The following GBX1 variants were observed in gnomAD, a reference collection of about 807,000 sequenced individuals.
GBX1 encodes homeobox protein GBX-1.
In GBX1, 9 loss-of-function variants were observed where a neutral mutation model predicts 22.9. The ratio of observed to expected loss-of-function variants is 0.39; its 90% CI spans 0.24 to 0.69. GBX1 has a LOEUF of 0.69. GBX1 is among the 30% of genes least tolerant of loss of function. GBX1 has a pLI of 0.43. For synonymous variants in GBX1, 203 were observed against 227.3 expected, an observed-to-expected ratio of 0.89 and a Z score of 0.96; for missense variants, 494 against 509.2, an observed-to-expected ratio of 0.97 and a Z score of 0.29.
intron 1 of GBX1, among the ~76,000 whole-genome samples, chr7:151,160,223 AAT>A (rs1801175839): frequency 6.6e-6 from 1 of 152,198 alleles, no homozygotes; most frequent in Non-Finnish European, 1.5e-5. Context: ...TGCTTAGGCT[AAT>A]CAGTTTATGT....
intron 1 of GBX1, among the ~76,000 whole-genome samples, chr7:151,158,439 A>T (rs2150549528): frequency 6.6e-6 from 1 of 152,018 alleles, no homozygotes; most frequent in Non-Finnish European, 1.5e-5. Flanking sequence ...AAGAAACAAG[A>T]AGAGTTTTTT....
intron 1 of GBX1, among the ~76,000 whole-genome samples, chr7:151,159,963 A>G (rs1320125465): frequency 6.6e-6 from 1 of 152,176 alleles, no homozygotes; most frequent in Non-Finnish European, 1.5e-5. Flanking sequence ...CGTAAAGACC[A>G]GCCCTGATCT....
intron 1 of GBX1, among the ~76,000 whole-genome samples, chr7:151,166,658 C>T (rs1465319861): frequency 2.0e-5 from 3 of 152,054 alleles, no homozygotes; most frequent in Admixed American, 6.5e-5. Context: ...AAATCCCATC[C>T]TTGTAGCTTG....
At chr7:151,149,194 A>C in intron 1 of GBX1, 52 bp from the exon 2 acceptor site, 1 of 1,527,276 alleles carries the variant, frequency 6.5e-7, no homozygotes, top group African/African-American at 1.4e-5. Context: ...AGAAAAAGAG[A>C]GTTTGGAGGA....
intron 1 of GBX1, among the ~76,000 whole-genome samples, chr7:151,164,011 G>C (rs62489631): frequency 0.041 from 6,213 of 152,088 alleles, 171 homozygotes; most frequent in East Asian, 0.1. Context: ...AGTTCTAGTA[G>C]AGAATGGTAC....
chr7:151,167,239 C>A lies in GBX1; in HGVS notation c.310G>T (p.Ala104Ser). The A allele has an allele frequency of 6.4e-7, 1 of 1,551,592 alleles. No homozygotes were observed. The highest frequency in any genetic ancestry group is 8.7e-7 in the Non-Finnish European group (1 of 1,150,830). The change falls in exon 1 of 2, where the codon GCG (alanine) becomes TCG (serine). Residue 104 changes from alanine to serine, a missense_variant. Coordinates refer to ENST00000297537, the MANE Select transcript of GBX1 (RefSeq NM_001098834.3). The surrounding 1 kb of genome is among the most constrained non-coding windows in gnomAD (Gnocchi z 5.9). ...AVPSMVALTT[A>S]LPSFAEPPDA... ...GGCGGCTCCGCGAAGCTGGGCAGCG[C>A]GGTGGTCAGCGCCACCATCGAGGGC...
chr7:151,167,266 C>A lies in GBX1; in HGVS notation c.283G>T (p.Val95Leu). Residue 95 changes from valine to leucine, a missense_variant, in exon 1 of 2, where the codon GTG (valine) becomes TTG (leucine). Val to Leu is a conservative substitution (Grantham distance 32). Coordinates refer to ENST00000297537, the MANE Select transcript of GBX1 (RefSeq NM_001098834.3). This position sits in a 1 kb window ranked among gnomAD's most constrained non-coding sequence, Gnocchi z 5.9. Reference sequence around the variant, plus strand: ...GTGGTCAGCGCCACCATCGAGGGCACAGCCTGACCCAGCCCCGCGCAGAAG... The same window carrying A: ...GTGGTCAGCGCCACCATCGAGGGCAAAGCCTGACCCAGCCCCGCGCAGAAG... ...NTFCAGLGQA[V>L]PSMVALTTAL... 1.2e-5 allele frequency: 18 copies of A among 1,545,268 alleles called. No homozygotes were observed. Among genetic ancestry groups the A allele is most frequent in the Non-Finnish European group, 1.6e-5 (18 of 1,148,304 alleles).
At chr7:151,154,836 G>GA (rs1801116870) in intron 1 of GBX1, among the ~76,000 whole-genome samples, 1 of 152,208 alleles carries the variant, frequency 6.6e-6, no homozygotes, top group South Asian at 2.1e-4. Context: ...GGCTAGGGAA[G>GA]AAATCAAGGG....
rs551527003 is a variant in GBX1 at position 151,166,982 on chromosome 7, C to T, written c.538+29G>A. 17 of 1,598,582 alleles carry T rather than the reference C, an allele frequency of 1.1e-5. No homozygotes were observed. In the Admixed American group the frequency reaches 2.7e-4, roughly 26 times the overall value. On this transcript the variant is annotated intron_variant, in intron 1 of 1. Transcript: ENST00000297537. ...GGAATTTCCAGGTGAACCGGCCTCC[C>T]GCCAGCCCTGGTCGGCCCTAGCACT...
intron 1 of GBX1, among the ~76,000 whole-genome samples, chr7:151,156,054 A>G (rs1801129642): frequency 6.6e-6 from 1 of 152,124 alleles, no homozygotes; most frequent in African/African-American, 2.4e-5. Context: ...ATGTCTCATT[A>G]GATAAATAAC....
At chr7:151,156,368 A>G (rs1801133639) in intron 1 of GBX1, among the ~76,000 whole-genome samples, 1 of 130,856 alleles carries the variant, frequency 7.6e-6, no homozygotes, top group African/African-American at 2.8e-5. Flanking sequence ...TTTGGGCGAC[A>G]GAGTGAGACC....
intron 1 of GBX1, among the ~76,000 whole-genome samples, chr7:151,156,759 C>T (rs1403211093): frequency 6.6e-6 from 1 of 151,524 alleles, no homozygotes; most frequent in African/African-American, 2.4e-5. Context: ...CTGAGGCAGG[C>T]GGATCACTTG....
chr7:151,153,748 T>A (rs1430622), intron 1 of GBX1, among the ~76,000 whole-genome samples: 67,881 of 151,462 alleles, frequency 0.45, 16,796 homozygotes, highest in African/African-American at 0.67. Context: ...TTTTTTGCAG[T>A]GTTGGGGTCC....
In GBX1 at chr7:151,167,636, G is replaced by T; in HGVS notation, c.-88C>A. ...CTCGGGCGCCCCGCGCGGACACGCA[G>T]GGCTCGCTCCCTGGCTCCCGGGCCG... On this transcript the variant is annotated 5_prime_UTR_variant, in exon 1 of 2. The change creates a new upstream start codon in the 5' untranslated region. Coordinates refer to ENST00000297537, the MANE Select transcript of GBX1 (RefSeq NM_001098834.3). The surrounding 1 kb of genome is among the most constrained non-coding windows in gnomAD (Gnocchi z 5.9). The T allele has an allele frequency of 8.5e-7, 1 of 1,182,754 alleles. No individual in the cohort carries two copies. Among genetic ancestry groups the T allele is most frequent in the Non-Finnish European group, 1.0e-6 (1 of 958,974 alleles). The allele number at this position is 1,182,754 out of a possible 1,614,324, so 73.3% of individuals were successfully genotyped here. A position where few individuals can be genotyped will look rare whatever the true frequency, so the allele number is the denominator to read the frequency against.
chr7:151,167,156 A>AGTGGCG lies in GBX1; in HGVS notation c.387_392dup (p.Thr131_Ala132dup). On this transcript the variant is annotated inframe_insertion, in exon 1 of 2. Transcript: ENST00000297537. This position sits in a 1 kb window ranked among gnomAD's most constrained non-coding sequence, Gnocchi z 5.9. Reference sequence around the variant, plus strand: ...CTGGCTCGGGGTTGTTTCGGGCGGCAGTGGCGGCGGCGGCGGCAGCGGCGG... The same window carrying AGTGGCG: ...CTGGCTCGGGGTTGTTTCGGGCGGCAGTGGCGGTGGCGGCGGCGGCGGCAGCGGCGG... The AGTGGCG allele has an allele frequency of 6.3e-7, 1 of 1,595,836 alleles. No individual in the cohort carries two copies.
At chr7:151,156,927 G>A (rs970656077) in intron 1 of GBX1, among the ~76,000 whole-genome samples, 3 of 145,956 alleles carry the variant, frequency 2.1e-5, no homozygotes, top group Non-Finnish European at 4.5e-5. Flanking sequence ...AGAGGTTGCA[G>A]TGAGCAGAGA....
intron 1 of GBX1, among the ~76,000 whole-genome samples, chr7:151,162,761 G>A (rs1475010378): frequency 6.7e-6 from 1 of 149,930 alleles, no homozygotes; most frequent in Non-Finnish European, 1.5e-5. Flanking sequence ...TCCCCTGAGT[G>A]AATAATTGCT....
chr7:151,156,503 A>G (rs1037057860), intron 1 of GBX1, among the ~76,000 whole-genome samples: 23 of 151,582 alleles, frequency 1.5e-4, no homozygotes, highest in Non-Finnish European at 7.4e-5. Context: ...ATCTTCCCTT[A>G]ACATTCTCAG....
At chr7:151,155,521 A>G (rs1801124290) in intron 1 of GBX1, among the ~76,000 whole-genome samples, 1 of 152,066 alleles carries the variant, frequency 6.6e-6, no homozygotes, top group African/African-American at 2.4e-5. Context: ...TTTAGGTATA[A>G]TTGGAAACAT....
Sources: gnomAD v4.1 joint callset for allele counts (sites outside exome capture counted in the v4.1 genomes callset) on GRCh38, gnomAD v4.1.1 for gene constraint, Gnocchi (gnomAD v3.1) non-coding constraint, MANE v1.5 for transcripts, NCBI Gene and HGNC (gene_info 2026-07-23, HGNC 2026-07-21) for gene names.